Variants in THSD7B observed in about 807,000 individuals in gnomAD.
THSD7B encodes the protein thrombospondin type 1 domain containing 7B.
A neutral mutation model predicts 213.6 loss-of-function variants in THSD7B; 138 were observed. The observed-to-expected ratio is 0.65, with a 90% CI of 0.56 to 0.74. The LOEUF is 0.74. Ranked by LOEUF, THSD7B falls within the 30% of genes least tolerant of loss-of-function variation. The probability of loss-of-function intolerance (pLI) is 0.00; values close to 1 mark genes in which losing one functional copy is unlikely to be tolerated. For synonymous variants in THSD7B, 742 were observed against 687.0 expected, an observed-to-expected ratio of 1.08 and a Z score of -1.25; for missense variants, 1,931 against 1,991.5, an observed-to-expected ratio of 0.97 and a Z score of 0.58.
At chr2:137,061,861 G>T (rs946582963) in intron 3 of THSD7B, among the ~76,000 whole-genome samples, 1 of 151,692 alleles carries the variant, frequency 6.6e-6, no homozygotes, top group Non-Finnish European at 1.5e-5. Context: ...GGGTAATGCT[G>T]CCCTCTTCGA....
At chr2:137,388,604 A>G (rs923664073) in intron 12 of THSD7B, among the ~76,000 whole-genome samples, 14 of 150,024 alleles carry the variant, frequency 9.3e-5, no homozygotes, top group African/African-American at 3.3e-4. Context: ...ATCAAACATT[A>G]GAACTCCCTC....
intron 2 of THSD7B, among the ~76,000 whole-genome samples, chr2:137,050,937 A>G (rs1432237): frequency 0.27 from 40,311 of 152,048 alleles, 5,860 homozygotes; most frequent in East Asian, 0.47. Flanking sequence ...GCAGGTTTTC[A>G]TTGCTAGTTT....
At chr2:137,074,839 T>C (rs931211061) in intron 3 of THSD7B, among the ~76,000 whole-genome samples, 68 of 152,322 alleles carry the variant, frequency 4.5e-4, no homozygotes, top group Admixed American at 5.2e-4. Context: ...TCTCCTTCAG[T>C]TATGAAGCTT....
At chr2:137,542,371 G>T (rs1680625974) in intron 15 of THSD7B, among the ~76,000 whole-genome samples, 1 of 151,632 alleles carries the variant, frequency 6.6e-6, no homozygotes, top group African/African-American at 2.4e-5. Context: ...AAATTAAGGA[G>T]AAATTAAGAA....
chr2:136,907,916 G>A (rs911162071), intron 2 of THSD7B, among the ~76,000 whole-genome samples: 2 of 152,178 alleles, frequency 1.3e-5, no homozygotes, highest in African/African-American at 4.8e-5. Flanking sequence ...GGTGATAGTG[G>A]TGACACTAAT....
intron 3 of THSD7B, 70 bp downstream of exon 3, chr2:137,057,300 T>G (rs1427670036): frequency 1.7e-5 from 24 of 1,376,948 alleles, no homozygotes; most frequent in Non-Finnish European, 2.1e-5. Flanking sequence ...TAAAGCTTCT[T>G]TATGATTTTC....
At chr2:137,236,911 G>T (rs1001453464) in intron 9 of THSD7B, among the ~76,000 whole-genome samples, 1 of 152,122 alleles carries the variant, frequency 6.6e-6, no homozygotes, top group African/African-American at 2.4e-5. Context: ...AGGAGCTTGA[G>T]ACCAGCCTGG....
intron 1 of THSD7B, among the ~76,000 whole-genome samples, chr2:136,809,839 A>G (rs746278635): frequency 1.3e-5 from 2 of 152,136 alleles, no homozygotes; most frequent in Non-Finnish European, 2.9e-5. Flanking sequence ...GGAGATGACA[A>G]TAATGAAAAA....
chr2:137,401,812 A>G (rs1233963068), intron 12 of THSD7B, among the ~76,000 whole-genome samples: 1 of 151,964 alleles, frequency 6.6e-6, no homozygotes, highest in Non-Finnish European at 1.5e-5. Flanking sequence ...CTACTTTACA[A>G]TACCAATTTA....
At chr2:137,311,283 C>G (rs1284334703) in intron 12 of THSD7B, among the ~76,000 whole-genome samples, 1 of 151,492 alleles carries the variant, frequency 6.6e-6, no homozygotes, top group Non-Finnish European at 1.5e-5. Context: ...AATGGGACTT[C>G]ACTCATGATT....
At chr2:136,973,781 G>T (rs1041452693) in intron 2 of THSD7B, among the ~76,000 whole-genome samples, 1 of 152,114 alleles carries the variant, frequency 6.6e-6, no homozygotes, top group Non-Finnish European at 1.5e-5. Flanking sequence ...AATATTTAGG[G>T]TAATATTTTT....
intron 2 of THSD7B, among the ~76,000 whole-genome samples, chr2:136,996,246 A>G (rs865862175): frequency 6.6e-6 from 1 of 152,202 alleles, no homozygotes; most frequent in Non-Finnish European, 1.5e-5. Flanking sequence ...TAATTGGAAA[A>G]GACATGGAAA....
intron 12 of THSD7B, among the ~76,000 whole-genome samples, chr2:137,342,466 A>G (rs1042945690): frequency 3.4e-4 from 51 of 151,630 alleles, no homozygotes; most frequent in African/African-American, 1.1e-3. Flanking sequence ...AACAGTGACA[A>G]TTTTACTTCT....
Position 137,286,112 on chromosome 2 carries a change from A to C in THSD7B, c.2500+10086A>C, listed in dbSNP as rs556785666. ...AGACTCTGTCTAAAAAAAAAAAAAA[A>C]AGATTTATATCATTTTCCAACGTTA... On this transcript the variant is annotated intron_variant, in intron 12 of 27. Coordinates refer to ENST00000409968, the MANE Select transcript of THSD7B (RefSeq NM_001316349.2). Among the ~76,000 whole-genome samples, 49 of 152,088 alleles carry C rather than the reference A, an allele frequency of 3.2e-4. 1 individual carries two copies. The highest frequency in any genetic ancestry group is 6.8e-3 in the Middle Eastern group (2 of 294).
intron 17 of THSD7B, among the ~76,000 whole-genome samples, chr2:137,615,879 A>G (rs1025629777): frequency 3.3e-5 from 5 of 152,102 alleles, no homozygotes; most frequent in African/African-American, 7.2e-5. Flanking sequence ...GTTGCAGACT[A>G]TTTGAGAGTA....
chr2:137,303,176 G>T (rs552042000), intron 12 of THSD7B, among the ~76,000 whole-genome samples: 1 of 152,048 alleles, frequency 6.6e-6, no homozygotes, highest in Non-Finnish European at 1.5e-5. Context: ...GCCCACTGCC[G>T]CACATGGCTA....
At chr2:137,361,674 G>A (rs954300484) in intron 12 of THSD7B, among the ~76,000 whole-genome samples, 1 of 152,010 alleles carries the variant, frequency 6.6e-6, no homozygotes, top group Non-Finnish European at 1.5e-5. Context: ...GCGAAGAGAA[G>A]TTTAAAGTAA....
intron 15 of THSD7B, among the ~76,000 whole-genome samples, chr2:137,512,519 G>T (rs1029393281): frequency 6.7e-6 from 1 of 149,356 alleles, no homozygotes; most frequent in Non-Finnish European, 1.5e-5. Context: ...AGCCTCCCGA[G>T]CAACTGTGAC....
intron 14 of THSD7B, among the ~76,000 whole-genome samples, chr2:137,426,960 T>C (rs186746318): frequency 6.6e-6 from 1 of 152,094 alleles, no homozygotes; most frequent in East Asian, 1.9e-4. Flanking sequence ...GAAAAACAAA[T>C]AGCCCAATTT....
Sources: allele counts gnomAD v4.1 joint callset (sites outside exome capture counted in the v4.1 genomes callset), GRCh38; gene constraint gnomAD v4.1.1; transcripts MANE v1.5; gene names NCBI Gene and HGNC (gene_info 2026-07-23, HGNC 2026-07-21).